Variants in UBE2R2 observed in about 807,000 individuals in gnomAD.
UBE2R2 encodes the protein ubiquitin-conjugating enzyme E2 R2.
A neutral mutation model predicts 27.8 loss-of-function variants in UBE2R2; 1 was observed. The ratio of observed to expected loss-of-function variants is 0.04; its 90% CI spans 0.01 to 0.17. UBE2R2 has a LOEUF of 0.17. Among genes scored for constraint, UBE2R2 ranks in the 10% least tolerant of loss-of-function variants. The pLI, the probability that UBE2R2 is intolerant of heterozygous loss-of-function variation, is 1.00. For synonymous variants in UBE2R2, 106 were observed against 113.3 expected, an observed-to-expected ratio of 0.94 and a Z score of 0.41; for missense variants, 100 against 291.0, an observed-to-expected ratio of 0.34 and a Z score of 4.78.
chr9:33,873,285 GT>G (rs886696562), intron 1 of UBE2R2, among the ~76,000 whole-genome samples: 6 of 149,544 alleles, frequency 4.0e-5, no homozygotes, highest in African/African-American at 1.2e-4. Flanking sequence ...TTGTGCTGCT[GT>G]TTTTTTCCCC....
In UBE2R2 at chr9:33,900,158, T is replaced by C. The variant is rs1822214582; in HGVS notation, c.265-16T>C. ...CTTTTTGAGTATTTACTGAATGTAA[T>C]GTTTGTGTCTTGTAGAATGGAGATG... On this transcript the variant is annotated splice_polypyrimidine_tract_variant and intron_variant, in intron 2 of 4. Transcript: ENST00000263228. 6.2e-7 allele frequency: 1 copy of C among 1,600,590 alleles called. No homozygotes were observed. The highest frequency in any genetic ancestry group is 8.6e-7 in the Non-Finnish European group (1 of 1,168,924).
intron 1 of UBE2R2, among the ~76,000 whole-genome samples, chr9:33,873,952 T>G (rs982552110): frequency 6.1e-5 from 4 of 65,758 alleles, no homozygotes; most frequent in African/African-American, 3.5e-4. Flanking sequence ...TGGCCTAAAT[T>G]TTTTTTTTTT....
intron 1 of UBE2R2, among the ~76,000 whole-genome samples, chr9:33,867,303 A>T (rs915993727): frequency 4.6e-5 from 7 of 152,170 alleles, no homozygotes; most frequent in Non-Finnish European, 8.8e-5. Context: ...GCTAGGTAGT[A>T]ATCTATAAAT....
intron 2 of UBE2R2, among the ~76,000 whole-genome samples, chr9:33,898,131 G>A (rs1008616615): frequency 2.6e-5 from 4 of 152,000 alleles, no homozygotes; most frequent in South Asian, 4.2e-4. Context: ...TGCCGCCCAG[G>A]CTGGAGTGCA....
chr9:33,835,710 C>T (rs1190511320), intron 1 of UBE2R2, among the ~76,000 whole-genome samples: 1 of 150,950 alleles, frequency 6.6e-6, no homozygotes, highest in Non-Finnish European at 1.5e-5. Context: ...AGGGAGATCC[C>T]GTTTCTACAA....
intron 1 of UBE2R2, among the ~76,000 whole-genome samples, chr9:33,864,676 A>T (rs1821319890): frequency 1.3e-5 from 2 of 149,610 alleles, no homozygotes; most frequent in Non-Finnish European, 1.5e-5. Flanking sequence ...AAGCCTCCTG[A>T]GTAGCTGGGA....
At chr9:33,875,216 A>G (rs62555927) in intron 1 of UBE2R2, among the ~76,000 whole-genome samples, 7,654 of 152,254 alleles carry the variant, frequency 0.05, 283 homozygotes, top group Middle Eastern at 0.099. Flanking sequence ...TATCACAACT[A>G]TAAAAGCTCA....
chr9:33,904,301 C>G (rs920086139), intron 3 of UBE2R2, among the ~76,000 whole-genome samples: 13 of 152,102 alleles, frequency 8.5e-5, no homozygotes, highest in Non-Finnish European at 1.8e-4. Context: ...CTCTCTGCTG[C>G]TAAATTATCT....
At chr9:33,875,071 C>G (rs1821573343) in intron 1 of UBE2R2, among the ~76,000 whole-genome samples, 1 of 151,916 alleles carries the variant, frequency 6.6e-6, no homozygotes, top group South Asian at 2.1e-4. Context: ...CCTCGACCTC[C>G]CAAAGTGCTG....
chr9:33,822,877 TC>T (rs1378260727), intron 1 of UBE2R2, among the ~76,000 whole-genome samples: 1 of 150,438 alleles, frequency 6.6e-6, no homozygotes, highest in Non-Finnish European at 1.5e-5. Context: ...ATATTTTATT[TC>T]TTTTTTTTCT....
intron 2 of UBE2R2, among the ~76,000 whole-genome samples, chr9:33,891,986 A>G (rs141719460): frequency 2.6e-5 from 4 of 152,200 alleles, no homozygotes; most frequent in African/African-American, 9.6e-5. Context: ...TGAACTGTGT[A>G]TATGTATGTG....
At chr9:33,844,743 A>C (rs987329066) in intron 1 of UBE2R2, among the ~76,000 whole-genome samples, 2 of 151,730 alleles carry the variant, frequency 1.3e-5, no homozygotes, top group African/African-American at 4.9e-5. Context: ...CTCTAGAGCC[A>C]AGGAAAACCA....
At chr9:33,821,391 C>G (rs2130710769) in intron 1 of UBE2R2, among the ~76,000 whole-genome samples, 1 of 151,982 alleles carries the variant, frequency 6.6e-6, no homozygotes, top group Non-Finnish European at 1.5e-5. Flanking sequence ...CTCCTGGGTT[C>G]AAAGGATCCT....
rs377759584 is a variant in UBE2R2 at position 33,908,219 on chromosome 9, T to C, written c.363-3745T>C. On this transcript the variant is annotated intron_variant, in intron 3 of 4. Transcript: ENST00000263228. ...TCCAGTTCACATCCATCCATCTGCC[T>C]GAGGAGACCAATGCTGTCAGCTTTC... 5.3e-5 allele frequency among the ~76,000 whole-genome samples: 8 copies of C among 152,228 alleles called. No homozygotes were observed. In the East Asian group the frequency reaches 9.6e-4, roughly 18 times the overall value.
chr9:33,853,077 A>G (rs903171445), intron 1 of UBE2R2, among the ~76,000 whole-genome samples: 6 of 152,258 alleles, frequency 3.9e-5, no homozygotes, highest in Admixed American at 3.9e-4. Context: ...GGAAGGCCCA[A>G]CTGTTTTAGC....
chr9:33,902,293 C>T (rs1029634001), intron 3 of UBE2R2, among the ~76,000 whole-genome samples: 3 of 152,048 alleles, frequency 2.0e-5, no homozygotes, highest in Admixed American at 6.6e-5. Flanking sequence ...CAAGTGATGC[C>T]CCTGCCTCAG....
At chr9:33,901,520 ATTC>A (rs1181097768) in intron 3 of UBE2R2, among the ~76,000 whole-genome samples, 2 of 152,104 alleles carry the variant, frequency 1.3e-5, no homozygotes, top group Non-Finnish European at 2.9e-5. Flanking sequence ...ATTATTTTGA[ATTC>A]TTCTGCATGG....
chr9:33,847,303 G>A (rs1241530681), intron 1 of UBE2R2, among the ~76,000 whole-genome samples: 2 of 152,032 alleles, frequency 1.3e-5, no homozygotes, highest in African/African-American at 4.8e-5. Context: ...CAGCATGTTG[G>A]CCAGGCTGGT....
At chr9:33,834,079 C>T (rs1017449621) in intron 1 of UBE2R2, among the ~76,000 whole-genome samples, 2 of 151,978 alleles carry the variant, frequency 1.3e-5, no homozygotes, top group African/African-American at 4.8e-5. Flanking sequence ...TCATGCCGTT[C>T]TCTTTTGGAT....
Sources: gnomAD v4.1 joint callset for allele counts (sites outside exome capture counted in the v4.1 genomes callset) on GRCh38, gnomAD v4.1.1 for gene constraint, MANE v1.5 for transcripts, NCBI Gene and HGNC (gene_info 2026-07-23, HGNC 2026-07-21) for gene names.